Variants in CIRSR observed in about 807,000 individuals in gnomAD.
CIRSR encodes CBF1 (RBPJ) interacting corepressor 1.
chr2:174,356,405 G>A, the CIRSR span, among the ~76,000 whole-genome samples: 1 of 151,936 alleles, frequency 6.6e-6, no homozygotes, highest in African/African-American at 2.4e-5. Flanking sequence ...GAGGTTGAGG[G>A]TGCAGTGAGC....
At chr2:174,356,056 G>A in the CIRSR span, among the ~76,000 whole-genome samples, 276 of 152,188 alleles carry the variant, frequency 1.8e-3, 1 homozygote, top group African/African-American at 6.4e-3. Context: ...ACAGGTGTGA[G>A]CCACCACACC....
chr2:174,385,269 A>C, the CIRSR span, among the ~76,000 whole-genome samples: 1 of 151,786 alleles, frequency 6.6e-6, no homozygotes, highest in South Asian at 2.1e-4. Context: ...AAAAGTATAA[A>C]GCGACTAAGG....
the CIRSR span, among the ~76,000 whole-genome samples, chr2:174,386,785 T>C: frequency 2.6e-5 from 4 of 152,216 alleles, no homozygotes; most frequent in Non-Finnish European, 5.9e-5. Flanking sequence ...AAGTCTTCTG[T>C]TAACCTAAAT....
At chr2:174,348,304 A>G in the CIRSR span, 1 of 810,762 alleles carries the variant, frequency 1.2e-6, no homozygotes, top group Non-Finnish European at 1.7e-6. Flanking sequence ...TATTTGCAAA[A>G]TTCATTCTTA....
At chr2:174,348,657 T>G in the CIRSR span, 1 of 1,614,240 alleles carries the variant, frequency 6.2e-7, no homozygotes, top group African/African-American at 1.3e-5. Flanking sequence ...CCTTTGCTTG[T>G]AACTACCAGG....
chr2:174,351,689 A>G, the CIRSR span: 1 of 1,613,316 alleles, frequency 6.2e-7, no homozygotes, highest in Admixed American at 1.7e-5. Flanking sequence ...ACTGTTTCTC[A>G]TCTCCGCTAT....
chr2:174,355,068 CAA>C, the CIRSR span, among the ~76,000 whole-genome samples: 1 of 151,878 alleles, frequency 6.6e-6, no homozygotes, highest in Non-Finnish European at 1.5e-5. Flanking sequence ...GGAGATGAAA[CAA>C]GTCAGGTTTA....
At chr2:174,359,099 CAA>C in the CIRSR span, among the ~76,000 whole-genome samples, 1 of 151,898 alleles carries the variant, frequency 6.6e-6, no homozygotes, top group Admixed American at 6.6e-5. Context: ...AAATGAGATA[CAA>C]AAGAGTACCT....
At chr2:174,390,625 A>C in the CIRSR span, among the ~76,000 whole-genome samples, 1 of 152,112 alleles carries the variant, frequency 6.6e-6, no homozygotes, top group Non-Finnish European at 1.5e-5. Context: ...GCTGGGGTGG[A>C]ATGGTATGGT....
the CIRSR span, chr2:174,380,376 A>G: frequency 2.9e-6 from 2 of 697,714 alleles, no homozygotes; most frequent in Non-Finnish European, 4.7e-6. Flanking sequence ...CAGTAAGAAT[A>G]CAGAACTATA....
the CIRSR span, among the ~76,000 whole-genome samples, chr2:174,352,252 T>C: frequency 6.6e-6 from 1 of 151,860 alleles, no homozygotes; most frequent in Non-Finnish European, 1.5e-5. Context: ...CACCTATGGG[T>C]AACCACCAAG....
chr2:174,395,665 C>T, the CIRSR span: 5 of 1,613,908 alleles, frequency 3.1e-6, no homozygotes, highest in Admixed American at 1.7e-5. Context: ...GATCTGTTAG[C>T]AACGTAAACA....
chr2:174,370,257 C>A, the CIRSR span, among the ~76,000 whole-genome samples: 8 of 152,250 alleles, frequency 5.3e-5, no homozygotes, highest in Non-Finnish European at 1.0e-4. Flanking sequence ...TGCTGTGTTG[C>A]CAAAGTTGGT....
At chr2:174,372,845 G>T in the CIRSR span, among the ~76,000 whole-genome samples, 1 of 152,150 alleles carries the variant, frequency 6.6e-6, no homozygotes, top group African/African-American at 2.4e-5. Context: ...GCCTCCCGAA[G>T]AGTTGGGATT....
chr2:174,360,218 T>A, the CIRSR span, among the ~76,000 whole-genome samples: 1 of 152,074 alleles, frequency 6.6e-6, no homozygotes, highest in African/African-American at 2.4e-5. Flanking sequence ...TAAATAATTT[T>A]AAAAAACTGG....
chr2:174,348,671 T>A, the CIRSR span: 1 of 1,614,122 alleles, frequency 6.2e-7, no homozygotes, highest in Admixed American at 1.7e-5. Flanking sequence ...TACCAGGACT[T>A]CTGCTCCGGC....
At chr2:174,388,887 G>A in the CIRSR span, among the ~76,000 whole-genome samples, 9 of 152,066 alleles carry the variant, frequency 5.9e-5, no homozygotes, top group African/African-American at 2.2e-4. Context: ...CATGACAGTG[G>A]GTGAGTTCTC....
At chr2:174,364,767 A>G in the CIRSR span, among the ~76,000 whole-genome samples, 1 of 152,180 alleles carries the variant, frequency 6.6e-6, no homozygotes, top group African/African-American at 2.4e-5. Context: ...AGTGGCTGGG[A>G]CACAGGGCAC....
At chr2:174,378,775 A>G in the CIRSR span, 31 of 688,476 alleles carry the variant, frequency 4.5e-5, no homozygotes, top group Non-Finnish European at 7.3e-5. Flanking sequence ...CCCATTAATC[A>G]TATTTTGGGA....
Sources: gnomAD v4.1 joint callset for allele counts (sites outside exome capture counted in the v4.1 genomes callset) on GRCh38, gnomAD v4.1.1 for gene constraint, MANE v1.5 for transcripts, NCBI Gene and HGNC (gene_info 2026-07-23, HGNC 2026-07-21) for gene names.